The following ADCYAP1R1 variants were observed in gnomAD, a reference collection of about 807,000 sequenced individuals.
ADCYAP1R1 encodes ADCYAP receptor type I, also known as pituitary adenylate cyclase-activating polypeptide type I receptor.
Under a neutral mutation model 67.6 loss-of-function variants are expected in ADCYAP1R1, and 44 were observed. That is an observed-to-expected ratio of 0.65 (90% CI 0.51 to 0.84). ADCYAP1R1 has a LOEUF of 0.84. Among genes scored for constraint, ADCYAP1R1 ranks in the 40% least tolerant of loss-of-function variants. The probability of loss-of-function intolerance (pLI) is 0.00; values close to 1 mark genes in which losing one functional copy is unlikely to be tolerated. For synonymous variants in ADCYAP1R1, 222 were observed against 219.6 expected, an observed-to-expected ratio of 1.01 and a Z score of -0.10; for missense variants, 477 against 587.9, an observed-to-expected ratio of 0.81 and a Z score of 1.95.
intron 13 of ADCYAP1R1, among the ~76,000 whole-genome samples, chr7:31,098,630 A>G (rs904980618): frequency 1.4e-5 from 2 of 142,108 alleles, no homozygotes; most frequent in Non-Finnish European, 3.0e-5. Context: ...CCCACCTCAC[A>G]GTGTGGTGTG....
chr7:31,087,124 A>C, intron 11 of ADCYAP1R1, 121 bp downstream of exon 11: 8 of 1,187,842 alleles, frequency 6.7e-6, no homozygotes, highest in African/African-American at 1.5e-5. Context: ...CCAGGCCCAG[A>C]CTAAAGCCCA....
intron 2 of ADCYAP1R1, among the ~76,000 whole-genome samples, chr7:31,063,625 T>C (rs1448345457): frequency 2.0e-5 from 3 of 152,202 alleles, no homozygotes; most frequent in Non-Finnish European, 2.9e-5. Flanking sequence ...GAAGCCTCTT[T>C]CAATTTTCTC....
intron 6 of ADCYAP1R1, among the ~76,000 whole-genome samples, chr7:31,083,912 G>A (rs1316660745): frequency 6.6e-6 from 1 of 152,208 alleles, no homozygotes; most frequent in Non-Finnish European, 1.5e-5. Context: ...GGGATGCAGG[G>A]ATGCTGGATT....
intron 13 of ADCYAP1R1, among the ~76,000 whole-genome samples, chr7:31,097,512 G>A (rs933041468): frequency 1.3e-5 from 2 of 152,096 alleles, no homozygotes; most frequent in African/African-American, 4.8e-5. Context: ...TCTCCTTCAA[G>A]AGCCCTCCAG....
chr7:31,080,713 C>T, intron 5 of ADCYAP1R1, 80 bp downstream of exon 5: 1 of 1,490,034 alleles, frequency 6.7e-7, no homozygotes, highest in South Asian at 1.2e-5. Context: ...ATCCCAGGCT[C>T]CGGCTGCTGG....
At chr7:31,091,502 A>C (rs1026032999) in intron 12 of ADCYAP1R1, among the ~76,000 whole-genome samples, 4 of 152,150 alleles carry the variant, frequency 2.6e-5, no homozygotes, top group Admixed American at 6.5e-5. Context: ...CTATGTCCAG[A>C]ATGGTGGTTC....
At position 31,104,921 on chromosome 7, in the gene ADCYAP1R1, G is replaced by GCC; in HGVS notation, c.1218+14_1218+15dup. The stretch of plus-strand genomic sequence containing the variant: ...TTCTGAATGGTGAGGTAAGACCTTG[G>GCC]CCCTCTGGCTTCTTGGCAGTGGAAG... On this transcript the variant is annotated intron_variant, in intron 15 of 15. Coordinates refer to ENST00000304166, the MANE Select transcript of ADCYAP1R1 (RefSeq NM_001118.5). 1 of 1,614,122 alleles carries GCC rather than the reference G, an allele frequency of 6.2e-7. No homozygotes were observed. Among genetic ancestry groups the GCC allele is most frequent in the African/African-American group, 1.3e-5 (1 of 75,038 alleles).
Position 31,058,263 on chromosome 7 carries a change from C to T in ADCYAP1R1, c.-71-4931C>T, listed in dbSNP as rs116140542. Among the ~76,000 whole-genome samples, 993 of 152,292 alleles carry T rather than the reference C, an allele frequency of 6.5e-3. 10 individuals are homozygous for T. Among genetic ancestry groups the T allele is most frequent in the African/African-American group, 0.02 (845 of 41,550 alleles). ...GGAGGGTCTCTGAGTCCCCTCTGCA[C>T]GGAGATGTGGAAAGTCTTCGAGCCC... is the stretch of plus-strand genomic sequence containing the variant. On this transcript the variant is annotated intron_variant, in intron 1 of 15. Coordinates refer to ENST00000304166, the MANE Select transcript of ADCYAP1R1 (RefSeq NM_001118.5).
chr7:31,101,822 G>T (rs1339127217), intron 13 of ADCYAP1R1, among the ~76,000 whole-genome samples: 1 of 152,214 alleles, frequency 6.6e-6, no homozygotes, highest in African/African-American at 2.4e-5. Context: ...TAAGAGGAAG[G>T]ATGGAAGGAT....
Position 31,086,202 on chromosome 7 carries a change from G to A in ADCYAP1R1, c.670-182G>A, listed in dbSNP as rs150104165. Reference sequence around the variant, plus strand: ...TGTGTGTGCAGTTTTGCCTCCATGGGCAGCTTTGACTCAGAATCATGGGAT... The same window carrying A: ...TGTGTGTGCAGTTTTGCCTCCATGGACAGCTTTGACTCAGAATCATGGGAT... On this transcript the variant is annotated intron_variant, in intron 9 of 15. Coordinates refer to ENST00000304166, the MANE Select transcript of ADCYAP1R1 (RefSeq NM_001118.5). This position sits in a 1 kb window ranked among gnomAD's most constrained non-coding sequence, Gnocchi z 5.0. Among the ~76,000 whole-genome samples the A allele has an allele frequency of 4.1e-4, 63 of 152,332 alleles. No individual in the cohort carries two copies. The East Asian group carries it at 0.011, about 27-fold the overall frequency.
intron 3 of ADCYAP1R1, among the ~76,000 whole-genome samples, chr7:31,075,405 C>T (rs1795167540): frequency 6.6e-6 from 1 of 152,108 alleles, no homozygotes; most frequent in Admixed American, 6.6e-5. Context: ...CCTTTATGAT[C>T]CCCTAAAAGC....
At position 31,092,639 on chromosome 7, in the gene ADCYAP1R1, CT is replaced by C. The variant is rs772049725; in HGVS notation, c.955-3del. Reference sequence around the variant, plus strand: ...CCATCTGCTTTTTTTTTTTTTGCTCCTTAGGTTAACTTTGTGCTTTTTATTG... The same window carrying C: ...CCATCTGCTTTTTTTTTTTTTGCTCCTAGGTTAACTTTGTGCTTTTTATTG... On this transcript the variant is annotated splice_region_variant and splice_polypyrimidine_tract_variant and intron_variant, in intron 12 of 15. Transcript: ENST00000304166. 1.9e-5 allele frequency: 30 copies of C among 1,593,068 alleles called. No homozygotes were observed. The highest frequency in any genetic ancestry group is 1.5e-5 in the Non-Finnish European group (18 of 1,174,066).
chr7:31,071,955 T>TCATC, intron 3 of ADCYAP1R1, among the ~76,000 whole-genome samples: 2 of 149,638 alleles, frequency 1.3e-5, no homozygotes, highest in African/African-American at 4.9e-5. Context: ...CTGTGGTAAA[T>TCATC]GATCCATCCA....
chr7:31,094,208 G>A (rs751989726), intron 13 of ADCYAP1R1, among the ~76,000 whole-genome samples: 5 of 152,100 alleles, frequency 3.3e-5, no homozygotes, highest in Non-Finnish European at 5.9e-5. Context: ...ATATTATGTA[G>A]TAGAAAATTA....
At chr7:31,062,792 C>T in intron 1 of ADCYAP1R1, among the ~76,000 whole-genome samples, 1 of 152,168 alleles carries the variant, frequency 6.6e-6, no homozygotes. Flanking sequence ...CATCATGTGC[C>T]CACACCTCCA....
At chr7:31,097,988 T>C (rs1403037494) in intron 13 of ADCYAP1R1, among the ~76,000 whole-genome samples, 1 of 151,980 alleles carries the variant, frequency 6.6e-6, no homozygotes, top group Non-Finnish European at 1.5e-5. Context: ...GCAACCTCTT[T>C]CTCCTGGGTT....
At chr7:31,077,830 T>TTG (rs1263202680) in intron 3 of ADCYAP1R1, among the ~76,000 whole-genome samples, 161 bp from the exon 4 acceptor site, 3 of 139,120 alleles carry the variant, frequency 2.2e-5, no homozygotes, top group African/African-American at 9.2e-5. Flanking sequence ...TGATGTGTGT[T>TTG]TGTTGGTGTT....
Position 31,095,618 on chromosome 7 carries a change from C to T in ADCYAP1R1, c.1046+2883C>T, listed in dbSNP as rs113684267. 529 of 717,192 alleles carry T rather than the reference C, an allele frequency of 7.4e-4. 1 individual carries two copies. The African/African-American group carries it at 7.9e-3, about 11-fold the overall frequency. The allele number at this position is 717,192 out of a possible 1,614,324, so 44.4% of individuals were successfully genotyped here. On this transcript the variant is annotated intron_variant, in intron 13 of 15. Coordinates refer to ENST00000304166, the MANE Select transcript of ADCYAP1R1 (RefSeq NM_001118.5). ...AGTTATGTGTGGGGCCAAGAAGCCC[C>T]TTCAGATCTGCCCACAACAGCTCTC... is the stretch of plus-strand genomic sequence containing the variant.
chr7:31,062,489 A>AG (rs779676424), intron 1 of ADCYAP1R1, among the ~76,000 whole-genome samples: 2 of 152,198 alleles, frequency 1.3e-5, no homozygotes, highest in Non-Finnish European at 2.9e-5. Context: ...AGGCCTTTTA[A>AG]GGGGGTAAAT....
Sources: allele counts gnomAD v4.1 joint callset (sites outside exome capture counted in the v4.1 genomes callset), GRCh38; gene constraint gnomAD v4.1.1; non-coding constraint Gnocchi (gnomAD v3.1); transcripts MANE v1.5; gene names NCBI Gene and HGNC (gene_info 2026-07-23, HGNC 2026-07-21).